CSMD3: variants seen among roughly 807,000 people sequenced by gnomAD.
CSMD3 encodes the protein CUB and Sushi multiple domains 3, also known as CUB and sushi domain-containing protein 3.
A neutral mutation model predicts 435.2 loss-of-function variants in CSMD3; 177 were observed. The ratio of observed to expected loss-of-function variants is 0.41; its 90% CI spans 0.36 to 0.46. The LOEUF is 0.46. CSMD3 is among the 20% of genes least tolerant of loss of function. The probability of loss-of-function intolerance (pLI) is 0.34; values close to 1 mark genes in which losing one functional copy is unlikely to be tolerated. For missense variants in CSMD3, 4,265 were observed against 4,504.6 expected, an observed-to-expected ratio of 0.95 and a Z score of 1.52; for synonymous variants, 1,656 against 1,520.5, an observed-to-expected ratio of 1.09 and a Z score of -2.07.
At chr8:112,494,551 CT>C (rs1304795199) in intron 30 of CSMD3, among the ~76,000 whole-genome samples, 2 of 111,536 alleles carry the variant, frequency 1.8e-5, no homozygotes, top group Admixed American at 9.0e-5. Context: ...TTCTTTCTTT[CT>C]TTCTTTCTTT....
intron 3 of CSMD3, among the ~76,000 whole-genome samples, chr8:113,231,578 TA>T (rs1055976846): frequency 3.3e-5 from 5 of 151,444 alleles, no homozygotes; most frequent in Admixed American, 1.3e-4. Context: ...AGTGCATTGT[TA>T]AAAAAATTAT....
intron 13 of CSMD3, among the ~76,000 whole-genome samples, chr8:112,793,170 A>T (rs2078736093): frequency 6.8e-6 from 1 of 147,426 alleles, no homozygotes; most frequent in Admixed American, 6.8e-5. Context: ...ATATTAATTA[A>T]ATATATTAAT....
chr8:113,105,589 C>T (rs563757441), intron 4 of CSMD3, among the ~76,000 whole-genome samples: 1 of 152,230 alleles, frequency 6.6e-6, no homozygotes, highest in South Asian at 2.1e-4. Context: ...CAACAAAGCA[C>T]ACAGGGCTGA....
intron 22 of CSMD3, among the ~76,000 whole-genome samples, chr8:112,609,847 A>G (rs1833119099): frequency 6.6e-6 from 1 of 152,130 alleles, no homozygotes; most frequent in South Asian, 2.1e-4. Context: ...GCACTTAAAG[A>G]GAAGAAAATC....
intron 1 of CSMD3, among the ~76,000 whole-genome samples, chr8:113,394,159 T>TACACACACACACAC (rs3080772): frequency 7.3e-6 from 1 of 137,158 alleles, no homozygotes; most frequent in Non-Finnish European, 1.6e-5. Context: ...TTTGTTGAAT[T>TACACACACACACAC]ACACACACAC....
Position 112,237,184 on chromosome 8 carries a change from C to T in CSMD3, c.10627+6G>A, listed in dbSNP as rs533896354. The stretch of plus-strand genomic sequence containing the variant: ...GTATATTTCGCTGCTGTTTTTATTG[C>T]GATACCTGAAAGTAGCAGCTCCATG... On this transcript the variant is annotated splice_donor_region_variant and intron_variant, in intron 67 of 70. Transcript: ENST00000297405. 10 of 1,613,044 alleles carry T rather than the reference C, an allele frequency of 6.2e-6. No homozygotes were observed. The highest frequency in any genetic ancestry group is 1.7e-5 in the Admixed American group (1 of 60,006).
intron 22 of CSMD3, among the ~76,000 whole-genome samples, chr8:112,624,520 A>C (rs1834329318): frequency 6.6e-6 from 1 of 152,208 alleles, no homozygotes; most frequent in African/African-American, 2.4e-5. Context: ...AAGACAGACA[A>C]ATCTATTCTT....
chr8:112,364,869 G>T (rs1771253858), intron 38 of CSMD3, among the ~76,000 whole-genome samples: 1 of 152,016 alleles, frequency 6.6e-6, no homozygotes, highest in Non-Finnish European at 1.5e-5. Context: ...TTTAAGAATT[G>T]ATTCCCATAT....
chr8:113,140,337 C>A (rs1233367700), intron 4 of CSMD3, among the ~76,000 whole-genome samples: 1 of 150,482 alleles, frequency 6.6e-6, no homozygotes, highest in Non-Finnish European at 1.5e-5. Context: ...ACTTTCTCAA[C>A]AACTGATAGA....
intron 13 of CSMD3, among the ~76,000 whole-genome samples, chr8:112,711,711 C>A (rs2076613470): frequency 6.6e-6 from 1 of 152,020 alleles, no homozygotes; most frequent in Non-Finnish European, 1.5e-5. Flanking sequence ...AACAAAAATA[C>A]AATTTGTATA....
intron 13 of CSMD3, among the ~76,000 whole-genome samples, chr8:112,761,521 T>C (rs1023633164): frequency 6.6e-6 from 1 of 152,092 alleles, no homozygotes; most frequent in Non-Finnish European, 1.5e-5. Context: ...CCCTCTTCTA[T>C]TTTCCTAGTC....
At chr8:113,204,945 A>G (rs2092754636) in intron 3 of CSMD3, among the ~76,000 whole-genome samples, 1 of 152,006 alleles carries the variant, frequency 6.6e-6, no homozygotes, top group Non-Finnish European at 1.5e-5. Context: ...TCTTACATGA[A>G]TGGCAGCAGG....
intron 1 of CSMD3, among the ~76,000 whole-genome samples, chr8:113,332,936 A>T (rs1268723418): frequency 6.6e-6 from 1 of 151,764 alleles, no homozygotes; most frequent in South Asian, 2.1e-4. Flanking sequence ...TGGACATAAG[A>T]TTAATTGAAT....
rs551543017 is a variant in CSMD3, at chr8:112,603,114, G to T, written c.3716-15879C>A. Among the ~76,000 whole-genome samples, 41 of 152,316 alleles carry T rather than the reference G, an allele frequency of 2.7e-4. No homozygotes were observed. In the South Asian group the frequency reaches 6.0e-3, roughly 22 times the overall value. ...GCTGGTCTCGAACTCCTGGCCTCAGGTGATACACCCACCTCGCCCTCTCAA... is the reference window on the plus strand; with the variant it reads ...GCTGGTCTCGAACTCCTGGCCTCAGTTGATACACCCACCTCGCCCTCTCAA... On this transcript the variant is annotated intron_variant, in intron 22 of 70. Transcript: ENST00000297405.
intron 54 of CSMD3, among the ~76,000 whole-genome samples, chr8:112,294,592 A>G (rs1820082540): frequency 6.6e-6 from 1 of 152,072 alleles, no homozygotes; most frequent in Non-Finnish European, 1.5e-5. Flanking sequence ...TTATTTTCAT[A>G]ATATAGCAGT....
chr8:112,416,219 G>T (rs1448427931), intron 32 of CSMD3, among the ~76,000 whole-genome samples: 1 of 152,158 alleles, frequency 6.6e-6, no homozygotes, highest in African/African-American at 2.4e-5. Context: ...CCCCATAGCT[G>T]TTGTCATGAT....
intron 1 of CSMD3, among the ~76,000 whole-genome samples, chr8:113,428,948 TC>T (rs1200320032): frequency 6.6e-6 from 1 of 151,870 alleles, no homozygotes; most frequent in African/African-American, 2.4e-5. Flanking sequence ...TCATTAACAT[TC>T]CTTTAAAAAT....
intron 5 of CSMD3, among the ~76,000 whole-genome samples, chr8:113,089,659 T>A (rs1359736142): frequency 6.6e-6 from 1 of 152,154 alleles, no homozygotes; most frequent in African/African-American, 2.4e-5. Context: ...TTTTATGGAC[T>A]ATAGTGCAAA....
At chr8:112,627,647 G>T (rs184592851) in intron 22 of CSMD3, among the ~76,000 whole-genome samples, 5 of 152,246 alleles carry the variant, frequency 3.3e-5, no homozygotes, top group South Asian at 4.1e-4. Context: ...ATTTTTAGGA[G>T]TCTTCTATTT....
Sources: allele counts gnomAD v4.1 joint callset (sites outside exome capture counted in the v4.1 genomes callset), GRCh38; gene constraint gnomAD v4.1.1; transcripts MANE v1.5; gene names NCBI Gene and HGNC (gene_info 2026-07-23, HGNC 2026-07-21).